CASS4: variants seen among roughly 807,000 people sequenced by gnomAD.
CASS4 encodes the protein cas scaffolding protein family member 4.
CASS4 carries 22 observed loss-of-function variants against 54.2 expected under a neutral mutation model. That is an observed-to-expected ratio of 0.41 (90% CI 0.29 to 0.58). The LOEUF (loss-of-function observed/expected upper bound fraction) is 0.58, where lower values mean the gene tolerates loss of function less well. Ranked by LOEUF, CASS4 falls within the 20% of genes least tolerant of loss-of-function variation. CASS4 has a pLI of 0.36. For synonymous variants in CASS4, 409 were observed against 391.5 expected, an observed-to-expected ratio of 1.04 and a Z score of -0.53; for missense variants, 854 against 986.7, an observed-to-expected ratio of 0.87 and a Z score of 1.80.
At chr20:56,415,660 A>G (rs1979095967) in intron 1 of CASS4, among the ~76,000 whole-genome samples, 1 of 152,182 alleles carries the variant, frequency 6.6e-6, no homozygotes, top group Non-Finnish European at 1.5e-5. Flanking sequence ...AGTGGTCCTT[A>G]GCTTTGGGGC....
In CASS4 at chr20:56,445,893, C is replaced by T. The variant is rs529061432; in HGVS notation, c.460-7C>T. ...CTTTTCCTCTTTTCTCCTCCTTTCT[C>T]TCCAAGGCCATCCTCACGCTTCCCA... On this transcript the variant is annotated splice_region_variant and splice_polypyrimidine_tract_variant and intron_variant, in intron 2 of 5. Coordinates refer to ENST00000679887, the MANE Select transcript of CASS4 (RefSeq NM_020356.4). 3.5e-5 allele frequency: 57 copies of T among 1,607,588 alleles called. No homozygotes were observed. In the East Asian group the frequency reaches 1.2e-3, roughly 34 times the overall value.
At chr20:56,439,510 A>C (rs750306849) in intron 2 of CASS4, among the ~76,000 whole-genome samples, 2 of 151,516 alleles carry the variant, frequency 1.3e-5, no homozygotes, top group Admixed American at 6.6e-5. Context: ...ATCTTTACTA[A>C]TAATAATAAA....
chr20:56,439,864 G>C (rs1299259516), intron 2 of CASS4, among the ~76,000 whole-genome samples: 1 of 152,190 alleles, frequency 6.6e-6, no homozygotes, highest in Admixed American at 6.5e-5. Flanking sequence ...CAGATGCTTT[G>C]CTTTCAGCTC....
intron 1 of CASS4, among the ~76,000 whole-genome samples, chr20:56,427,384 C>CT (rs958485860): frequency 2.0e-5 from 3 of 151,850 alleles, no homozygotes; most frequent in South Asian, 2.1e-4. Flanking sequence ...CTCTTGGAAA[C>CT]TTTTTTTTAA....
In CASS4 at chr20:56,437,128, T is replaced by A; in HGVS notation, c.37-36T>A. 6.6e-7 allele frequency: 1 copy of A among 1,511,140 alleles called. No individual in the cohort carries two copies. The highest frequency in any genetic ancestry group is 8.9e-7 in the Non-Finnish European group (1 of 1,126,818). The allele number at this position is 1,511,140 out of a possible 1,614,324, so 93.6% of individuals were successfully genotyped here. A position where few individuals can be genotyped will look rare whatever the true frequency, so the allele number is the denominator to read the frequency against. The stretch of plus-strand genomic sequence containing the variant: ...GAGTAGCAGTCACTGGCCACGGTGC[T>A]AACTGCAAATTCTCTTCTCCCCTCT... On this transcript the variant is annotated intron_variant, in intron 1 of 5. Coordinates refer to ENST00000679887, the MANE Select transcript of CASS4 (RefSeq NM_020356.4). This position sits in a 1 kb window ranked among gnomAD's most constrained non-coding sequence, Gnocchi z 4.7.
chr20:56,445,136 A>G (rs779270478), intron 2 of CASS4, among the ~76,000 whole-genome samples: 11 of 152,050 alleles, frequency 7.2e-5, no homozygotes, highest in South Asian at 2.1e-4. Flanking sequence ...TTATATGTAT[A>G]TAAATTGGAT....
intron 2 of CASS4, among the ~76,000 whole-genome samples, chr20:56,442,745 G>T (rs187459507): frequency 5.9e-5 from 9 of 151,844 alleles, no homozygotes; most frequent in Admixed American, 5.2e-4. Flanking sequence ...CAAGAGAAAA[G>T]GGTCAGATTT....
chr20:56,457,212 T>C (rs1242175475), intron 5 of CASS4, among the ~76,000 whole-genome samples: 2 of 152,246 alleles, frequency 1.3e-5, no homozygotes, highest in Admixed American at 1.3e-4. Flanking sequence ...TTATGCCCTA[T>C]CTGTCTGAAT....
At chr20:56,438,823 CCCCA>C (rs2146283045) in intron 2 of CASS4, among the ~76,000 whole-genome samples, 1 of 152,316 alleles carries the variant, frequency 6.6e-6, no homozygotes, top group African/African-American at 2.4e-5. Flanking sequence ...CACCATTGCT[CCCCA>C]GCCTGGACGC....
intron 2 of CASS4, among the ~76,000 whole-genome samples, chr20:56,442,703 T>C (rs746316839): frequency 1.3e-5 from 2 of 151,808 alleles, no homozygotes; most frequent in Non-Finnish European, 2.9e-5. Flanking sequence ...ATATTTGATT[T>C]CAGTTTAAAT....
intron 1 of CASS4, among the ~76,000 whole-genome samples, chr20:56,413,691 A>AG (rs1398566155): frequency 2.7e-5 from 4 of 150,430 alleles, no homozygotes; most frequent in East Asian, 1.9e-4. Context: ...AAAAAAAAAA[A>AG]AAAAAAAAGT....
At chr20:56,420,377 G>C (rs914853156) in intron 1 of CASS4, among the ~76,000 whole-genome samples, 3 of 151,918 alleles carry the variant, frequency 2.0e-5, no homozygotes, top group African/African-American at 7.3e-5. Context: ...TTTGTGGAAT[G>C]TTCACTTTGG....
chr20:56,438,420 G>A (rs1205090870), intron 2 of CASS4, among the ~76,000 whole-genome samples: 2 of 140,630 alleles, frequency 1.4e-5, no homozygotes, highest in Non-Finnish European at 3.0e-5. Flanking sequence ...AACTCAAAGA[G>A]GCCTAAATGT....
intron 2 of CASS4, 149 bp from the exon 3 acceptor site, chr20:56,445,751 G>A: frequency 1.7e-6 from 1 of 583,520 alleles, no homozygotes; most frequent in Non-Finnish European, 3.0e-6. Flanking sequence ...GCTGTCTTGA[G>A]AGTGAAGAGC....
chr20:56,428,198 T>G (rs1202768226), intron 1 of CASS4, among the ~76,000 whole-genome samples: 1 of 152,164 alleles, frequency 6.6e-6, no homozygotes, highest in Non-Finnish European at 1.5e-5. Flanking sequence ...TTTAGGAGCA[T>G]AAGTGTTTGG....
intron 1 of CASS4, among the ~76,000 whole-genome samples, chr20:56,421,535 A>C (rs147074211): frequency 3.0e-4 from 46 of 152,204 alleles, no homozygotes; most frequent in Admixed American, 5.9e-4. Context: ...TCTCTACAAA[A>C]AATTTTTAAA....
rs776095229 is a variant in CASS4, at chr20:56,430,868, A to G, written c.37-6296A>G. 5.9e-5 allele frequency among the ~76,000 whole-genome samples: 9 copies of G among 152,190 alleles called. No individual in the cohort carries two copies. Among genetic ancestry groups the G allele is most frequent in the Non-Finnish European group, 1.3e-4 (9 of 68,046 alleles). On this transcript the variant is annotated intron_variant, in intron 1 of 5. Transcript: ENST00000679887. This position sits in a 1 kb window ranked among gnomAD's most constrained non-coding sequence, Gnocchi z 4.2. ...CAACCTCAGGGCATTTGAGAAAAGT[A>G]AGAAAACAATGTGACTGGAGGGAAA...
chr20:56,445,385 C>T (rs1047459990), intron 2 of CASS4, among the ~76,000 whole-genome samples: 6 of 152,300 alleles, frequency 3.9e-5, no homozygotes, highest in African/African-American at 1.4e-4. Flanking sequence ...AGCTCTCAGA[C>T]CTCAGTTTCC....
intron 1 of CASS4, among the ~76,000 whole-genome samples, chr20:56,422,509 G>A (rs79892039): frequency 0.023 from 3,427 of 152,310 alleles, 131 homozygotes; most frequent in African/African-American, 0.078. Context: ...ATTAAAGCAT[G>A]TCGATCTGGG....
Sources: gnomAD v4.1 joint callset for allele counts (sites outside exome capture counted in the v4.1 genomes callset) on GRCh38, gnomAD v4.1.1 for gene constraint, Gnocchi (gnomAD v3.1) non-coding constraint, MANE v1.5 for transcripts, NCBI Gene and HGNC (gene_info 2026-07-23, HGNC 2026-07-21) for gene names.